Variants in BCAS1 observed in about 807,000 individuals in gnomAD.
The protein encoded by BCAS1 is brain enriched myelin associated protein 1.
Under a neutral mutation model 65.4 loss-of-function variants are expected in BCAS1, and 46 were observed. The observed-to-expected ratio is 0.70, with a 90% CI of 0.55 to 0.90. BCAS1 has a LOEUF of 0.90. Among genes scored for constraint, BCAS1 ranks in the 40% least tolerant of loss-of-function variants. The pLI is 0.00. For synonymous variants in BCAS1, 298 were observed against 293.5 expected (o/e 1.02, Z -0.16); for missense variants, 793 against 771.2 (o/e 1.03, Z -0.33).
intron 3 of BCAS1, among the ~76,000 whole-genome samples, chr20:54,041,289 G>A (rs534699663): frequency 2.0e-5 from 3 of 151,192 alleles, no homozygotes; most frequent in Non-Finnish European, 4.4e-5. Flanking sequence ...TTAAAATCAC[G>A]GAATTGTCAC....
intron 4 of BCAS1, among the ~76,000 whole-genome samples, chr20:54,001,262 C>A (rs62207383): frequency 6.6e-6 from 1 of 152,058 alleles, no homozygotes; most frequent in Non-Finnish European, 1.5e-5. Flanking sequence ...TCCAAGCTGC[C>A]CTTGTTCATT....
chr20:54,058,740 GA>G lies in BCAS1; in HGVS notation c.-5-18del, dbSNP rs765079301. 727 of 1,606,052 alleles carry G rather than the reference GA, an allele frequency of 4.5e-4. 1 individual carries two copies. Among genetic ancestry groups the G allele is most frequent in the Non-Finnish European group, 5.7e-4 (674 of 1,178,350 alleles). On this transcript the variant is annotated intron_variant, in intron 1 of 12. Coordinates refer to ENST00000688948, the MANE Select transcript of BCAS1 (RefSeq NM_001366298.2). ...CCATTGCTCCTATAATGGAGAGAAA[GA>G]GAGGAAGAGAGAAAGAAATCAAAAC...
At chr20:54,063,133 A>G (rs1433395330) in intron 1 of BCAS1, among the ~76,000 whole-genome samples, 2 of 152,214 alleles carry the variant, frequency 1.3e-5, no homozygotes, top group Non-Finnish European at 2.9e-5. Context: ...TATGACTTGT[A>G]TGGAGAGCTT....
rs191081595 is a variant in BCAS1, at chr20:54,041,647, G to T, written c.143-12675C>A. On this transcript the variant is annotated intron_variant, in intron 3 of 12. Coordinates refer to ENST00000688948, the MANE Select transcript of BCAS1 (RefSeq NM_001366298.2). ...GCCTGTAATCCTAGCACTTTGGGAGGCCGAGGTGGGCAAATCATGAGGTAA... is the reference window on the plus strand; with the variant it reads ...GCCTGTAATCCTAGCACTTTGGGAGTCCGAGGTGGGCAAATCATGAGGTAA... 1.6e-3 allele frequency among the ~76,000 whole-genome samples: 250 copies of T among 152,196 alleles called. 3 individuals carry two copies. Among genetic ancestry groups the T allele is most frequent in the Non-Finnish European group, 8.4e-4 (57 of 68,004 alleles).
chr20:54,061,225 C>G (rs1262505814), intron 1 of BCAS1, among the ~76,000 whole-genome samples: 2 of 152,160 alleles, frequency 1.3e-5, no homozygotes, highest in African/African-American at 4.8e-5. Flanking sequence ...CAAACACAGT[C>G]TGGCTGTGCT....
intron 3 of BCAS1, among the ~76,000 whole-genome samples, chr20:54,052,652 G>A (rs970815238): frequency 1.4e-4 from 21 of 152,124 alleles, no homozygotes; most frequent in Admixed American, 2.6e-4. Flanking sequence ...CCCTTCTGTC[G>A]TGTCTGCCAT....
chr20:54,003,164 C>T (rs543150116), intron 4 of BCAS1, among the ~76,000 whole-genome samples: 56 of 139,110 alleles, frequency 4.0e-4, no homozygotes, highest in African/African-American at 1.1e-3. Flanking sequence ...AGAAATAATG[C>T]ATGTAAATTC....
intron 12 of BCAS1, among the ~76,000 whole-genome samples, chr20:53,948,950 C>T (rs2089423905): frequency 6.6e-6 from 1 of 152,146 alleles, no homozygotes; most frequent in Non-Finnish European, 1.5e-5. Context: ...TCACAAGCCT[C>T]GGTTCAGCCC....
intron 4 of BCAS1, among the ~76,000 whole-genome samples, chr20:54,010,669 A>G (rs2091299945): frequency 6.6e-6 from 1 of 152,210 alleles, no homozygotes; most frequent in Non-Finnish European, 1.5e-5. Context: ...TCTGCCCCAA[A>G]TTGATATACA....
chr20:54,010,997 C>T (rs993607004), intron 4 of BCAS1, among the ~76,000 whole-genome samples: 3 of 151,982 alleles, frequency 2.0e-5, no homozygotes, highest in African/African-American at 7.3e-5. Context: ...GTCTTTTCAA[C>T]AAATTGTGCT....
At chr20:54,020,897 C>T (rs775854553) in intron 4 of BCAS1, among the ~76,000 whole-genome samples, 8 of 152,140 alleles carry the variant, frequency 5.3e-5, no homozygotes, top group African/African-American at 1.9e-4. Flanking sequence ...TTCATGTATG[C>T]GCATGTATAT....
intron 4 of BCAS1, among the ~76,000 whole-genome samples, chr20:54,006,450 C>G (rs1391982094): frequency 1.3e-5 from 2 of 152,156 alleles, no homozygotes; most frequent in African/African-American, 4.8e-5. Context: ...TGGCTCACGC[C>G]TGTAATCCTA....
At chr20:53,957,564 C>T in intron 10 of BCAS1, 67 bp from the exon 11 acceptor site, 1 of 1,430,910 alleles carries the variant, frequency 7.0e-7, no homozygotes, top group South Asian at 1.1e-5. Context: ...CAAGAAAGTT[C>T]TGAAATGGAT....
intron 4 of BCAS1, among the ~76,000 whole-genome samples, chr20:54,023,584 G>C (rs2091607464): frequency 6.6e-6 from 1 of 152,192 alleles, no homozygotes; most frequent in Admixed American, 6.5e-5. Context: ...GATAAACAGA[G>C]AGAGAAAGGG....
chr20:54,029,317 C>T, intron 3 of BCAS1: 1 of 781,876 alleles, frequency 1.3e-6, no homozygotes, highest in South Asian at 5.8e-5. Context: ...GGCAGTACAG[C>T]AGTTAGGAGC....
At chr20:54,054,779 C>T (rs1346552104) in intron 3 of BCAS1, among the ~76,000 whole-genome samples, 3 of 152,202 alleles carry the variant, frequency 2.0e-5, no homozygotes, top group African/African-American at 7.2e-5. Flanking sequence ...TGCAGGTGTT[C>T]ACACGGCAAC....
intron 4 of BCAS1, among the ~76,000 whole-genome samples, chr20:54,005,390 A>G (rs1272281107): frequency 6.7e-6 from 1 of 150,364 alleles, no homozygotes; most frequent in Non-Finnish European, 1.5e-5. Context: ...TGGGAGGCTG[A>G]GGCAGGAGAA....
intron 11 of BCAS1, among the ~76,000 whole-genome samples, chr20:53,956,131 G>A (rs1208845562): frequency 6.6e-6 from 1 of 152,104 alleles, no homozygotes; most frequent in African/African-American, 2.4e-5. Context: ...ATAGAGTTGT[G>A]CCCCCACCCC....
At chr20:54,019,801 A>T (rs1345767742) in intron 4 of BCAS1, among the ~76,000 whole-genome samples, 1 of 151,904 alleles carries the variant, frequency 6.6e-6, no homozygotes, top group Non-Finnish European at 1.5e-5. Flanking sequence ...TGGCCTTTGG[A>T]CTCCTGGACT....
Sources: gnomAD v4.1 joint callset for allele counts (sites outside exome capture counted in the v4.1 genomes callset) on GRCh38, gnomAD v4.1.1 for gene constraint, MANE v1.5 for transcripts, NCBI Gene and HGNC (gene_info 2026-07-23, HGNC 2026-07-21) for gene names.